VAMP7: variants seen among roughly 807,000 people sequenced by gnomAD.
VAMP7 encodes the protein vesicle-associated membrane protein 7.
VAMP7 carries 14 observed loss-of-function variants against 29.6 expected under a neutral mutation model. The ratio of observed to expected loss-of-function variants is 0.47; its 90% confidence interval spans 0.31 to 0.74. The LOEUF is 0.74. Among genes scored for constraint, VAMP7 ranks in the 30% least tolerant of loss-of-function variants. VAMP7 has a pLI of 0.05. For missense variants in VAMP7, 223 were observed against 262.4 expected (o/e 0.85, Z 1.04); for synonymous variants, 95 against 88.1 (o/e 1.08, Z -0.44).
At position 155,887,075 on chromosome X, in the gene VAMP7, G is replaced by T. The variant is rs2124222626; in HGVS notation, c.-9-2383G>T. Among the ~76,000 whole-genome samples the T allele has an allele frequency of 2.0e-5, 3 of 152,222 alleles. No individual in the cohort carries two copies. In the East Asian group the frequency reaches 5.8e-4, roughly 29 times the overall value. The stretch of plus-strand genomic sequence containing the variant: ...TCCTTCCTTGTTATAAAATTTCACT[G>T]ATTGTTTTACAGTCTTCATTCTCTT... On this transcript the variant is annotated intron_variant, in intron 1 of 7. Transcript: ENST00000286448.
intron 6 of VAMP7, among the ~76,000 whole-genome samples, chrX:155,936,871 C>G (rs2066666683): frequency 6.6e-6 from 1 of 152,008 alleles, no homozygotes; most frequent in Admixed American, 6.5e-5. Context: ...ATGATAGCAT[C>G]AAAAAGAGTA....
intron 1 of VAMP7, among the ~76,000 whole-genome samples, chrX:155,887,380 G>T (rs2065877225): frequency 6.6e-6 from 1 of 152,144 alleles, no homozygotes; most frequent in South Asian, 2.1e-4. Flanking sequence ...GGAAGAGTCA[G>T]CAAGAAGACA....
chrX:155,939,636 G>A, intron 6 of VAMP7, 65 bp from the exon 7 acceptor site: 1 of 1,146,134 alleles, frequency 8.7e-7, no homozygotes, highest in Non-Finnish European at 1.3e-6. Flanking sequence ...ATGTTCTCAG[G>A]TTGTTACTGC....
At chrX:155,909,666 C>T (rs1292941819) in intron 5 of VAMP7, among the ~76,000 whole-genome samples, 3 of 152,172 alleles carry the variant, frequency 2.0e-5, no homozygotes, top group Non-Finnish European at 4.4e-5. Flanking sequence ...TATTTTCTCA[C>T]ATTTCTGGAG....
At chrX:155,894,918 C>A (rs1035696085) in intron 2 of VAMP7, among the ~76,000 whole-genome samples, 5 of 152,108 alleles carry the variant, frequency 3.3e-5, no homozygotes. Context: ...CCACGCCTGG[C>A]CTTTCGCTCA....
chrX:155,915,465 A>C (rs1602973936), intron 5 of VAMP7, among the ~76,000 whole-genome samples: 1 of 152,018 alleles, frequency 6.6e-6, no homozygotes, highest in African/African-American at 2.4e-5. Flanking sequence ...TAGGGTGTTG[A>C]CTTTAAATCT....
Position 155,895,641 on chromosome X carries a change from C to T in VAMP7, c.165C>T (p.Ile55=). 1.2e-6 allele frequency: 2 copies of T among 1,610,392 alleles called. No individual in the cohort carries two copies. The highest frequency in any genetic ancestry group is 1.7e-6 in the Non-Finnish European group (2 of 1,176,878). ...TCTACAGTTATTTGTTTCATTACAT[C>T]TGCCAAGACAGGATTGTATATCTTT... ...YSHGNYLFHY[I]CQDRIVYLCI... Residue 55 remains isoleucine (I), a synonymous_variant, in exon 3 of 8, where the codon ATC becomes ATT. Coordinates refer to ENST00000286448, the MANE Select transcript of VAMP7 (RefSeq NM_005638.6).
chrX:155,936,450 G>T (rs1379541513), intron 6 of VAMP7, among the ~76,000 whole-genome samples: 1 of 152,178 alleles, frequency 6.6e-6, no homozygotes, highest in Non-Finnish European at 1.5e-5. Flanking sequence ...ATCTCAGACT[G>T]CTGTGCTAGC....
At position 155,938,873 on chromosome X, in the gene VAMP7, AATG is replaced by A. The variant is rs776345412; in HGVS notation, c.502-824_502-822del. Among the ~76,000 whole-genome samples the A allele has an allele frequency of 1.2e-3, 185 of 152,298 alleles. No homozygotes were observed. The South Asian group carries it at 0.016, about 13-fold the overall frequency. ...TTTATGTCAAGTTTCTATTGCTCAA[AATG>A]ATGTTTGTGAGATTCATCTGTGGTA... On this transcript the variant is annotated intron_variant, in intron 6 of 7. Transcript: ENST00000286448.
chrX:155,903,651 A>G (rs924076420), intron 5 of VAMP7, among the ~76,000 whole-genome samples: 4 of 152,170 alleles, frequency 2.6e-5, no homozygotes, highest in Admixed American at 2.0e-4. Context: ...CAAAACCACA[A>G]TGTGATACCA....
intron 4 of VAMP7, among the ~76,000 whole-genome samples, chrX:155,898,502 T>C (rs1358336956): frequency 6.6e-6 from 1 of 152,114 alleles, no homozygotes; most frequent in Non-Finnish European, 1.5e-5. Context: ...AAAGATCATC[T>C]AGTTGAACTA....
In VAMP7 at chrX:155,918,156, C is replaced by G. The variant is rs1321519699; in HGVS notation, c.434-1657C>G. Among the ~76,000 whole-genome samples the G allele has an allele frequency of 2.0e-5, 3 of 152,148 alleles. No homozygotes were observed. In the East Asian group the frequency reaches 5.8e-4, roughly 30 times the overall value. On this transcript the variant is annotated intron_variant, in intron 5 of 7. Transcript: ENST00000286448. Reference sequence around the variant, plus strand: ...CCTCAGTAATGGCAGACGCCCCTCCCTCCACCAAGCTCGAGTGTCCCAGGT... The same window carrying G: ...CCTCAGTAATGGCAGACGCCCCTCCGTCCACCAAGCTCGAGTGTCCCAGGT...
chrX:155,928,315 T>C (rs1283929013), intron 6 of VAMP7, among the ~76,000 whole-genome samples: 3 of 152,198 alleles, frequency 2.0e-5, no homozygotes, highest in Non-Finnish European at 4.4e-5. Context: ...TCACAAATTA[T>C]CACAAACTTG....
At chrX:155,911,072 C>A (rs1385088147) in intron 5 of VAMP7, among the ~76,000 whole-genome samples, 2 of 152,062 alleles carry the variant, frequency 1.3e-5, no homozygotes, top group Non-Finnish European at 2.9e-5. Flanking sequence ...AGTTCTGGGT[C>A]TGAAATTTAA....
intron 6 of VAMP7, among the ~76,000 whole-genome samples, chrX:155,927,539 A>G (rs1193480705): frequency 1.3e-5 from 2 of 149,010 alleles, no homozygotes; most frequent in African/African-American, 2.5e-5. Context: ...GAAGTACAAT[A>G]AAAGGGGATA....
chrX:155,907,862 G>T lies in VAMP7; in HGVS notation c.433+7275G>T, dbSNP rs188605937. 7.0e-4 allele frequency among the ~76,000 whole-genome samples: 107 copies of T among 152,240 alleles called. 3 individuals carry two copies. In the East Asian group the frequency reaches 0.018, roughly 26 times the overall value. On this transcript the variant is annotated intron_variant, in intron 5 of 7. Transcript: ENST00000286448. ...GCAGACGGGGCGGCTGCCGGGTGGA[G>T]GGTCTCCTCACTTCTCAGACAGGGC...
intron 3 of VAMP7, 59 bp downstream of exon 3, chrX:155,895,739 C>G: frequency 6.7e-7 from 1 of 1,495,438 alleles, no homozygotes; most frequent in Non-Finnish European, 9.3e-7. Context: ...ACAGCCAGTT[C>G]TTAATTATCT....
intron 6 of VAMP7, among the ~76,000 whole-genome samples, chrX:155,931,100 C>T (rs1273925696): frequency 3.9e-5 from 6 of 152,110 alleles, no homozygotes; most frequent in South Asian, 2.1e-4. Context: ...TTTCTGAATC[C>T]AGTCTATCAT....
rs181368237 is a variant in VAMP7 at position 155,894,702 on chromosome X, A to G, written c.147-921A>G. Among the ~76,000 whole-genome samples, 333 of 151,754 alleles carry G rather than the reference A, an allele frequency of 2.2e-3. 2 individuals are homozygous for G. The highest frequency in any genetic ancestry group is 3.3e-3 in the Non-Finnish European group (227 of 67,922). On this transcript the variant is annotated intron_variant, in intron 2 of 7. Transcript: ENST00000286448. ...GCAATCTCAGCTTACTACAGCCTCA[A>G]CCTCCTGGGTTCCAGCGATCCTCCT...
Sources: gnomAD v4.1 joint callset for allele counts (sites outside exome capture counted in the v4.1 genomes callset) on GRCh38, gnomAD v4.1.1 for gene constraint, MANE v1.5 for transcripts, NCBI Gene and HGNC (gene_info 2026-07-23, HGNC 2026-07-21) for gene names.